The following PRKCA variants were observed in gnomAD, a reference collection of about 807,000 sequenced individuals.
PRKCA encodes protein kinase C alpha type.
In PRKCA, 27 loss-of-function variants were observed where a neutral mutation model predicts 87.0. The ratio of observed to expected loss-of-function variants is 0.31; its 90% CI spans 0.23 to 0.43. The LOEUF (loss-of-function observed/expected upper bound fraction) is 0.43. PRKCA is among the 20% of genes least tolerant of loss of function. The pLI is 1.00. For missense variants in PRKCA, 518 were observed against 852.3 expected, an observed-to-expected ratio of 0.61 and a Z score of 4.88; for synonymous variants, 329 against 311.1, an observed-to-expected ratio of 1.06 and a Z score of -0.61.
In PRKCA at chr17:66,418,804, T is replaced by C. The variant is rs185747997; in HGVS notation, c.206-77397T>C. ...TCTCACTCTGTTGCCCAGGCTGGAG[T>C]GCAGTGGCGCGATCTCGGCTCACTG... On this transcript the variant is annotated intron_variant, in intron 2 of 16. Coordinates refer to ENST00000413366, the MANE Select transcript of PRKCA (RefSeq NM_002737.3). 2.0e-3 allele frequency among the ~76,000 whole-genome samples: 304 copies of C among 152,202 alleles called. 1 individual carries two copies. Among genetic ancestry groups the C allele is most frequent in the Non-Finnish European group, 3.7e-3 (249 of 67,990 alleles).
chr17:66,359,050 G>A (rs1361841563), intron 2 of PRKCA, among the ~76,000 whole-genome samples: 1 of 151,994 alleles, frequency 6.6e-6, no homozygotes. Context: ...TGGGCTGATT[G>A]CTTTTTTATT....
chr17:66,344,855 T>A (rs1907262275), intron 2 of PRKCA, among the ~76,000 whole-genome samples: 1 of 152,166 alleles, frequency 6.6e-6, no homozygotes, highest in Non-Finnish European at 1.5e-5. Flanking sequence ...AACTTCCACC[T>A]CCTGGGTTCG....
At chr17:66,749,260 CCCATT>C (rs1366741496) in intron 13 of PRKCA, among the ~76,000 whole-genome samples, 3 of 151,984 alleles carry the variant, frequency 2.0e-5, no homozygotes, top group African/African-American at 7.2e-5. Flanking sequence ...GCCTCCCCGC[CCCATT>C]CCCTCCCTGA....
At chr17:66,578,597 A>C (rs755868309) in intron 3 of PRKCA, among the ~76,000 whole-genome samples, 1 of 152,138 alleles carries the variant, frequency 6.6e-6, no homozygotes, top group Non-Finnish European at 1.5e-5. Context: ...CCCTCCTCTG[A>C]GTGATGTATA....
chr17:66,325,996 T>G (rs1905958231), intron 2 of PRKCA, among the ~76,000 whole-genome samples: 1 of 152,180 alleles, frequency 6.6e-6, no homozygotes, highest in South Asian at 2.1e-4. Context: ...AAAAATTATT[T>G]AGCAGGTACC....
chr17:66,546,801 G>GTGTTT (rs967012966), intron 3 of PRKCA, among the ~76,000 whole-genome samples: 38 of 152,178 alleles, frequency 2.5e-4, no homozygotes, highest in African/African-American at 8.2e-4. Flanking sequence ...TTACCTCTTC[G>GTGTTT]TGTTTTGTTT....
intron 1 of PRKCA, among the ~76,000 whole-genome samples, chr17:66,303,582 A>G (rs926219783): frequency 9.9e-5 from 15 of 152,064 alleles, no homozygotes; most frequent in Non-Finnish European, 1.5e-4. Flanking sequence ...GGCTGCATCT[A>G]CTGGGCACGG....
intron 3 of PRKCA, among the ~76,000 whole-genome samples, chr17:66,504,167 T>C (rs1169516345): frequency 6.6e-6 from 1 of 152,220 alleles, no homozygotes; most frequent in Non-Finnish European, 1.5e-5. Context: ...CCCTCTGTTA[T>C]TAAACATTGA....
chr17:66,753,494 A>G (rs1974481696), intron 13 of PRKCA, among the ~76,000 whole-genome samples: 1 of 152,166 alleles, frequency 6.6e-6, no homozygotes, highest in South Asian at 2.1e-4. Context: ...TCAATAGTAC[A>G]TTCTTAGGCC....
chr17:66,357,292 ACTT>A (rs1908119716), intron 2 of PRKCA, among the ~76,000 whole-genome samples: 1 of 152,158 alleles, frequency 6.6e-6, no homozygotes, highest in Non-Finnish European at 1.5e-5. Context: ...TCTAAGTCAC[ACTT>A]GGGTCTTGCA....
At chr17:66,615,731 A>AAAGG (rs1429381352) in intron 3 of PRKCA, among the ~76,000 whole-genome samples, 2 of 152,136 alleles carry the variant, frequency 1.3e-5, no homozygotes, top group Admixed American at 6.5e-5. Context: ...TGTGCAGTGA[A>AAAGG]AAGGGCATTC....
intron 13 of PRKCA, among the ~76,000 whole-genome samples, chr17:66,751,374 G>A (rs907487666): frequency 4.6e-5 from 7 of 152,200 alleles, no homozygotes; most frequent in African/African-American, 1.7e-4. Flanking sequence ...ATGCTGGCCC[G>A]CCAGCCTCAG....
chr17:66,769,975 C>A (rs892021672), intron 13 of PRKCA, among the ~76,000 whole-genome samples: 2 of 152,202 alleles, frequency 1.3e-5, no homozygotes, highest in African/African-American at 4.8e-5. Flanking sequence ...AATCCATTTA[C>A]ATTCACTCAT....
At chr17:66,447,546 G>A (rs1914098569) in intron 2 of PRKCA, among the ~76,000 whole-genome samples, 1 of 152,218 alleles carries the variant, frequency 6.6e-6, no homozygotes. Context: ...AACTGGGGGA[G>A]TGAGTTGTTA....
chr17:66,304,554 G>A (rs1028391916), intron 1 of PRKCA, among the ~76,000 whole-genome samples: 1 of 152,192 alleles, frequency 6.6e-6, no homozygotes, highest in Admixed American at 6.5e-5. Context: ...CCACCAGCCA[G>A]CTGTGTGGCA....
At chr17:66,400,221 G>A (rs1202456544) in intron 2 of PRKCA, among the ~76,000 whole-genome samples, 1 of 152,094 alleles carries the variant, frequency 6.6e-6, no homozygotes, top group East Asian at 1.9e-4. Context: ...GCACAGTCTC[G>A]GCTCACTGCA....
intron 3 of PRKCA, among the ~76,000 whole-genome samples, chr17:66,560,153 T>C (rs2143292082): frequency 6.6e-6 from 1 of 152,180 alleles, no homozygotes; most frequent in Admixed American, 6.5e-5. Context: ...GGGGTGTGCT[T>C]GGCGGAGAGA....
intron 2 of PRKCA, among the ~76,000 whole-genome samples, chr17:66,411,788 C>G (rs1911820562): frequency 6.6e-6 from 1 of 151,994 alleles, no homozygotes; most frequent in African/African-American, 2.4e-5. Flanking sequence ...TTGAGAGTGG[C>G]CTTGATGAAG....
intron 2 of PRKCA, among the ~76,000 whole-genome samples, chr17:66,353,329 C>T (rs898700240): frequency 1.3e-5 from 2 of 152,044 alleles, no homozygotes; most frequent in South Asian, 2.1e-4. Flanking sequence ...GGCTGTGTGC[C>T]GAATTTTATG....
Sources: gnomAD v4.1 joint callset for allele counts (sites outside exome capture counted in the v4.1 genomes callset) on GRCh38, gnomAD v4.1.1 for gene constraint, MANE v1.5 for transcripts, NCBI Gene and HGNC (gene_info 2026-07-23, HGNC 2026-07-21) for gene names.